Variants in MYOM1 observed in about 807,000 individuals in gnomAD.
MYOM1 encodes the protein myomesin 1, also known as myomesin-1.
MYOM1 carries 164 observed loss-of-function variants against 205.3 expected under a neutral mutation model. That is an observed-to-expected ratio of 0.80 (90% CI 0.70 to 0.91). The LOEUF is 0.91. Ranked by LOEUF, MYOM1 falls within the 40% of genes least tolerant of loss-of-function variation. MYOM1 has a pLI of 0.00. For missense variants in MYOM1, 2,011 were observed against 2,127.3 expected, an observed-to-expected ratio of 0.95 and a Z score of 1.08; for synonymous variants, 772 against 789.4, an observed-to-expected ratio of 0.98 and a Z score of 0.37.
chr18:3,214,976 C>A lies in MYOM1; in HGVS notation c.248G>T (p.Ser83Ile). 1 of 1,609,270 alleles carries A rather than the reference C, an allele frequency of 6.2e-7. No individual in the cohort carries two copies. Among genetic ancestry groups the A allele is most frequent in the Non-Finnish European group, 8.5e-7 (1 of 1,176,926 alleles). Residue 83 changes from serine (S) to isoleucine (I), a missense_variant, in exon 2 of 38, where the codon AGT becomes ATT. Coordinates refer to ENST00000356443, the MANE Select transcript of MYOM1 (RefSeq NM_003803.4). Reference protein sequence around the residue: ...ASQHALSSEVSRKAASAYDYG... With the variant: ...ASQHALSSEVIRKAASAYDYG... ...ATCGTAGGCTGAGGCTGCCTTCCGA[C>A]TGACTTCAGAGCTCAGGGCGTGCTG...
Position 3,162,841 on chromosome 18 carries a change from C to T in MYOM1, c.1501+1437G>A, listed in dbSNP as rs567031420. 6.6e-5 allele frequency among the ~76,000 whole-genome samples: 10 copies of T among 152,072 alleles called. No individual in the cohort carries two copies. In the East Asian group the frequency reaches 1.4e-3, roughly 21 times the overall value. On this transcript the variant is annotated intron_variant, in intron 10 of 37. Coordinates refer to ENST00000356443, the MANE Select transcript of MYOM1 (RefSeq NM_003803.4). Reference sequence around the variant, plus strand: ...GAGATCGAGACCATCCTGGCTAACACGGTGAAACCCCATCTCTACTAAAAA... The same window carrying T: ...GAGATCGAGACCATCCTGGCTAACATGGTGAAACCCCATCTCTACTAAAAA...
rs538968449 is a variant in MYOM1, at chr18:3,187,626, G to C, written c.783C>G (p.Thr261=). 9 of 1,597,744 alleles carry C rather than the reference G, an allele frequency of 5.6e-6. No homozygotes were observed. Among genetic ancestry groups the C allele is most frequent in the African/African-American group, 1.3e-5 (1 of 74,560 alleles). Residue 261 remains threonine (T), a synonymous_variant, in exon 5 of 38, where the codon ACC becomes ACG. Coordinates refer to ENST00000356443, the MANE Select transcript of MYOM1 (RefSeq NM_003803.4). The part of the protein sequence containing the change: ...RLSLRKTLEE[T]ETYHAKLNED... ...CATTCAGCTTGGCATGATATGTCTCGGTTTCTTCTAACTGAAAAAACAAAT... is the reference window on the plus strand; with the variant it reads ...CATTCAGCTTGGCATGATATGTCTCCGTTTCTTCTAACTGAAAAAACAAAT...
At chr18:3,122,245 A>G (rs1218682643) in intron 19 of MYOM1, among the ~76,000 whole-genome samples, 1 of 152,088 alleles carries the variant, frequency 6.6e-6, no homozygotes, top group Non-Finnish European at 1.5e-5. Flanking sequence ...GGGAGGAAAA[A>G]CACAAAATTT....
At chr18:3,210,437 T>C (rs1228127040) in intron 2 of MYOM1, among the ~76,000 whole-genome samples, 6 of 152,232 alleles carry the variant, frequency 3.9e-5, no homozygotes, top group African/African-American at 1.4e-4. Context: ...AAAGTTAGGG[T>C]GCCCAGGGAA....
intron 20 of MYOM1, among the ~76,000 whole-genome samples, chr18:3,117,438 T>C (rs1486970624): frequency 6.7e-6 from 1 of 148,716 alleles, no homozygotes; most frequent in East Asian, 2.0e-4. Context: ...TACTGCCAGG[T>C]ACCTTACATT....
At position 3,111,722 on chromosome 18, in the gene MYOM1, A is replaced by G. The variant is rs115501089; in HGVS notation, c.3418+576T>C. Among the ~76,000 whole-genome samples the G allele has an allele frequency of 2.7e-3, 406 of 152,322 alleles. 2 individuals are homozygous for G. The highest frequency in any genetic ancestry group is 9.4e-3 in the African/African-American group (392 of 41,568). ...GCATGATAAAGTTTTATTAGAACACAGCCATGCTCATTAGTTTATGTATCC... is the reference window on the plus strand; with the variant it reads ...GCATGATAAAGTTTTATTAGAACACGGCCATGCTCATTAGTTTATGTATCC... On this transcript the variant is annotated intron_variant, in intron 22 of 37. Transcript: ENST00000356443.
chr18:3,129,759 CAAAG>C (rs2079848979), intron 17 of MYOM1, among the ~76,000 whole-genome samples: 1 of 152,014 alleles, frequency 6.6e-6, no homozygotes, highest in Non-Finnish European at 1.5e-5. Context: ...ACAAAGAAGC[CAAAG>C]ATAGAATAGG....
At chr18:3,197,809 C>T (rs916480861) in intron 2 of MYOM1, among the ~76,000 whole-genome samples, 1 of 151,962 alleles carries the variant, frequency 6.6e-6, no homozygotes, top group African/African-American at 2.4e-5. Flanking sequence ...GGAGGCAGAG[C>T]TTGCAGTGAG....
At chr18:3,086,013 A>G in intron 30 of MYOM1, 25 bp downstream of exon 30, 2 of 1,429,846 alleles carry the variant, frequency 1.4e-6, no homozygotes, top group Non-Finnish European at 2.0e-6. Flanking sequence ...CTAATATATT[A>G]CATTTTACAT....
rs1160955298 is a variant in MYOM1, at chr18:3,079,263, T to C, written c.4564A>G (p.Thr1522Ala). The C allele has an allele frequency of 3.1e-6, 5 of 1,613,772 alleles. No individual in the cohort carries two copies. The East Asian group carries it at 6.7e-5, about 22-fold the overall frequency. The change falls in exon 34 of 38, where the codon ACC becomes GCC. Residue 1522 changes from threonine to alanine, a missense_variant. Coordinates refer to ENST00000356443, the MANE Select transcript of MYOM1 (RefSeq NM_003803.4). ...ACATACTTCCCTTTGTCATTCGGGG[T>C]GGGCTCGTTGATTTGTAGCCAGATC... ...EQIWLQINEPTPNDKGKYVME... is the reference protein window; with the variant it reads ...EQIWLQINEPAPNDKGKYVME...
chr18:3,082,107 A>G (rs1482186366), intron 33 of MYOM1, among the ~76,000 whole-genome samples: 1 of 152,236 alleles, frequency 6.6e-6, no homozygotes, highest in Non-Finnish European at 1.5e-5. Flanking sequence ...TCGCGCTCCT[A>G]TGAGAATCTA....
intron 2 of MYOM1, among the ~76,000 whole-genome samples, chr18:3,195,568 T>C (rs73940137): frequency 0.033 from 5,049 of 152,210 alleles, 274 homozygotes; most frequent in African/African-American, 0.11. Flanking sequence ...TTTTTTCCCC[T>C]GTTTCCAGAA....
At chr18:3,178,038 C>T (rs1407600603) in intron 5 of MYOM1, among the ~76,000 whole-genome samples, 1 of 152,168 alleles carries the variant, frequency 6.6e-6, no homozygotes, top group Non-Finnish European at 1.5e-5. Flanking sequence ...TCACCACTTC[C>T]TCATGTTCTC....
chr18:3,087,219 T>C (rs149990220), intron 29 of MYOM1, among the ~76,000 whole-genome samples: 38 of 152,252 alleles, frequency 2.5e-4, no homozygotes, highest in Non-Finnish European at 4.7e-4. Context: ...AGTACATTGC[T>C]CATGAAATTT....
intron 2 of MYOM1, among the ~76,000 whole-genome samples, chr18:3,213,554 A>G (rs2081217183): frequency 6.6e-6 from 1 of 152,238 alleles, no homozygotes; most frequent in African/African-American, 2.4e-5. Flanking sequence ...ATATCTGCCC[A>G]ACATTCATCA....
chr18:3,091,621 A>T (rs1285326097), intron 26 of MYOM1, among the ~76,000 whole-genome samples: 3 of 152,220 alleles, frequency 2.0e-5, no homozygotes, highest in Admixed American at 2.0e-4. Flanking sequence ...TAGATTACTA[A>T]AAAGTCTGAA....
At chr18:3,099,820 G>A (rs889467742) in intron 25 of MYOM1, among the ~76,000 whole-genome samples, 2 of 152,208 alleles carry the variant, frequency 1.3e-5, no homozygotes, top group Non-Finnish European at 1.5e-5. Context: ...AGACATATAA[G>A]TGAATATATC....
intron 16 of MYOM1, among the ~76,000 whole-genome samples, chr18:3,133,948 G>GATCTCCC (rs1375231635): frequency 6.6e-6 from 1 of 152,098 alleles, no homozygotes; most frequent in Non-Finnish European, 1.5e-5. Context: ...CTGCAGCCTT[G>GATCTCCC]ATCTCCCAGG....
At chr18:3,118,183 T>C (rs191960736) in intron 20 of MYOM1, among the ~76,000 whole-genome samples, 28 of 152,352 alleles carry the variant, frequency 1.8e-4, no homozygotes, top group African/African-American at 6.3e-4. Context: ...AACATTCTTA[T>C]TGCTTTCTTC....
Sources: gnomAD v4.1 joint callset for allele counts (sites outside exome capture counted in the v4.1 genomes callset) on GRCh38, gnomAD v4.1.1 for gene constraint, MANE v1.5 for transcripts, NCBI Gene and HGNC (gene_info 2026-07-23, HGNC 2026-07-21) for gene names.